The following TRIM10 variants were observed in gnomAD, a reference collection of about 807,000 sequenced individuals.
The protein encoded by TRIM10 is tripartite motif containing 10.
TRIM10 carries 42 observed loss-of-function variants against 40.0 expected under a neutral mutation model. The ratio of observed to expected loss-of-function variants is 1.05; its 90% confidence interval spans 0.82 to 1.36. TRIM10 has a LOEUF of 1.36. Among genes scored for constraint, TRIM10 ranks in the 40% most tolerant of loss-of-function variants. The probability of loss-of-function intolerance (pLI) is 0.00; values close to 1 mark genes in which losing one functional copy is unlikely to be tolerated. For missense variants in TRIM10, 601 were observed against 608.3 expected (o/e 0.99, Z 0.13); for synonymous variants, 260 against 239.5 (o/e 1.09, Z -0.79).
chr6:30,158,385 G>C lies in TRIM10; in HGVS notation c.756+14C>G, dbSNP rs138647866. On this transcript the variant is annotated intron_variant, in intron 3 of 6. Coordinates refer to ENST00000449742, the MANE Select transcript of TRIM10 (RefSeq NM_006778.4). ...GACAGCACAGGTGGGGCAGGGTTCC[G>C]GTTCAGGCCTCACCGTCAGGAGCTC... 1.2e-5 allele frequency: 19 copies of C among 1,608,754 alleles called. No homozygotes were observed. The highest frequency in any genetic ancestry group is 1.4e-5 in the Non-Finnish European group (17 of 1,176,170).
intron 1 of TRIM10, among the ~76,000 whole-genome samples, chr6:30,160,150 T>G (rs1772936519): frequency 6.6e-6 from 1 of 152,220 alleles, no homozygotes; most frequent in Non-Finnish European, 1.5e-5. Flanking sequence ...CAGACACACC[T>G]GATCCATGGC....
At chr6:30,163,809 C>T (rs749805892), upstream of TRIM10, 7 of 1,613,020 alleles carry the variant, frequency 4.3e-6, no homozygotes, top group African/African-American at 1.3e-5. Context: ...TGCCTCCCCG[C>T]GCTCTCCCAG....
At chr6:30,161,497 C>A (rs1773089151), upstream of TRIM10, among the ~76,000 whole-genome samples, 1 of 152,058 alleles carries the variant, frequency 6.6e-6, no homozygotes, top group South Asian at 2.1e-4. Context: ...CTACTAACGG[C>A]CAGAATTTAT....
chr6:30,158,270 TG>T, intron 3 of TRIM10, 128 bp downstream of exon 3: 2 of 791,980 alleles, frequency 2.5e-6, no homozygotes, highest in Non-Finnish European at 4.2e-6. Flanking sequence ...TGAGACTTTC[TG>T]GTCCTCTGAC....
At chr6:30,157,529 A>G (rs769138975) in intron 3 of TRIM10, 138 bp from the exon 4 acceptor site, 17 of 893,592 alleles carry the variant, frequency 1.9e-5, no homozygotes, top group Non-Finnish European at 2.7e-5. Context: ...TCTGGTGCCC[A>G]GGCTGGAATA....
rs776108850 is a variant in TRIM10, at chr6:30,158,420, C to T, written c.735G>A (p.Arg245=). The change falls in exon 3 of 7, where the codon AGG becomes AGA. Residue 245 remains arginine (R), a synonymous_variant. Transcript: ENST00000449742. The part of the protein sequence containing the change: ...LIEELEEKNE[R]PARELLTDIR... ...TCACCGTCAGGAGCTCCCTTGCTGG[C>T]CTCTCATTCTTCTCCTCCAGTTCTT... 1.5e-5 allele frequency: 25 copies of T among 1,613,018 alleles called. No individual in the cohort carries two copies. In the South Asian group the frequency reaches 2.4e-4, roughly 16 times the overall value.
intron 2 of TRIM10, among the ~76,000 whole-genome samples, 164 bp from the exon 3 acceptor site, chr6:30,158,793 T>A (rs1772814515): frequency 6.6e-6 from 1 of 152,218 alleles, no homozygotes. Context: ...CTCAGCACCA[T>A]CTGCTGCAGC....
chr6:30,153,815 C>G lies in TRIM10; in HGVS notation c.*154G>C. 1.9e-6 allele frequency: 3 copies of G among 1,612,280 alleles called. No individual in the cohort carries two copies. In the South Asian group the frequency reaches 3.3e-5, roughly 18 times the overall value. The stretch of plus-strand genomic sequence containing the variant: ...ACTTGATCAGTAGATTGAGAGTCCT[C>G]TCTTCTATCCCTTACCACCCGGCCC... On this transcript the variant is annotated 3_prime_UTR_variant, in exon 7 of 7. Transcript: ENST00000449742.
At chr6:30,156,558 GTTGGC>G (rs1772546924) in intron 5 of TRIM10, among the ~76,000 whole-genome samples, 1 of 152,216 alleles carries the variant, frequency 6.6e-6, no homozygotes, top group Non-Finnish European at 1.5e-5. Context: ...AAATACTGTT[GTTGGC>G]TATTAATTAA....
At position 30,160,911 on chromosome 6, in the gene TRIM10, G is replaced by A; in HGVS notation, c.-53C>T. Reference sequence around the variant, plus strand: ...AGGCCACTCTCTCTGCTTGGCCACGGGGGAAGGGCTGGGTCACACACTCAC... The same window carrying A: ...AGGCCACTCTCTCTGCTTGGCCACGAGGGAAGGGCTGGGTCACACACTCAC... On this transcript the variant is annotated 5_prime_UTR_variant, in exon 1 of 7. Coordinates refer to ENST00000449742, the MANE Select transcript of TRIM10 (RefSeq NM_006778.4). 2.6e-6 allele frequency: 4 copies of A among 1,512,668 alleles called. No homozygotes were observed. Among genetic ancestry groups the A allele is most frequent in the Non-Finnish European group, 3.5e-6 (4 of 1,131,998 alleles). 93.7% of individuals were successfully genotyped at this position (1,512,668 alleles called of 1,614,324 possible).
upstream of TRIM10, chr6:30,163,390 G>A (rs1773290691): frequency 7.7e-6 from 4 of 519,378 alleles, no homozygotes; most frequent in Non-Finnish European, 1.4e-5. Context: ...GGAGCCAGGA[G>A]TAAAGAACTG....
At chr6:30,158,870 T>A (rs1346677451) in intron 2 of TRIM10, among the ~76,000 whole-genome samples, 16 of 152,168 alleles carry the variant, frequency 1.1e-4, no homozygotes, top group Non-Finnish European at 1.9e-4. Context: ...CCTCCTGTCT[T>A]GTATGAAAAG....
chr6:30,157,262 G>T (rs1772632024), intron 4 of TRIM10, 107 bp downstream of exon 4: 1 of 1,238,062 alleles, frequency 8.1e-7, no homozygotes, highest in East Asian at 2.3e-5. Flanking sequence ...ATGTAAATTT[G>T]TATCCTTAAG....
chr6:30,153,835 C>T lies in TRIM10; in HGVS notation c.*134G>A, dbSNP rs1365119002. On this transcript the variant is annotated 3_prime_UTR_variant, in exon 7 of 7. Coordinates refer to ENST00000449742, the MANE Select transcript of TRIM10 (RefSeq NM_006778.4). ...GTCCTCTCTTCTATCCCTTACCACC[C>T]GGCCCCATCCCATCTTCTAAAGCAG... The T allele has an allele frequency of 4.4e-6, 7 of 1,608,146 alleles. No individual in the cohort carries two copies. Among genetic ancestry groups the T allele is most frequent in the African/African-American group, 2.7e-5 (2 of 74,800 alleles).
At chr6:30,157,657 C>CTTTT (rs9278596) in intron 3 of TRIM10, among the ~76,000 whole-genome samples, 280 of 77,762 alleles carry the variant, frequency 3.6e-3, no homozygotes, top group East Asian at 4.5e-3. Flanking sequence ...GGCTAATTTT[C>CTTTT]TTTTTTTTTT....
At chr6:30,156,280 G>C (rs748063666) in intron 5 of TRIM10, among the ~76,000 whole-genome samples, 5 of 152,188 alleles carry the variant, frequency 3.3e-5, no homozygotes, top group Non-Finnish European at 7.3e-5. Context: ...TATGGGAAAA[G>C]TCCTTCTAGG....
chr6:30,163,043 G>A (rs771598429), upstream of TRIM10, among the ~76,000 whole-genome samples: 1 of 152,098 alleles, frequency 6.6e-6, no homozygotes, highest in African/African-American at 2.4e-5. Context: ...ATTTGGGACC[G>A]TAGGAGGGGC....
chr6:30,154,142 T>C lies in TRIM10; in HGVS notation c.1273A>G (p.Lys425Glu). 6.2e-7 allele frequency: 1 copy of C among 1,612,858 alleles called. No individual in the cohort carries two copies. The highest frequency in any genetic ancestry group is 2.2e-5 in the East Asian group (1 of 44,870). ...LGSFPTRLTL[K>E]EQPRQVRVSL... ...ACCCTCACCTGCCGGGGCTGCTCCT[T>C]CAGGGTCAGCCGTGTGGGGAAGGAG... Residue 425 changes from lysine to glutamate, a missense_variant, in exon 7 of 7, where the codon AAG becomes GAG. By Grantham distance (56) the Lys-to-Glu change is moderately conservative. Transcript: ENST00000449742.
In TRIM10 at chr6:30,160,461, C is replaced by T. The variant is rs376088104; in HGVS notation, c.398G>A (p.Arg133His). The change falls in exon 1 of 7, where the codon CGC becomes CAC. Residue 133 changes from arginine (R) to histidine (H), a missense_variant. Physicochemically the swap from Arg to His is conservative, Grantham distance 29 (BLOSUM62 0). Coordinates refer to ENST00000449742, the MANE Select transcript of TRIM10 (RefSeq NM_006778.4). ...GGGAGCCGCTGCATCCTCCAGGAAG[C>T]GCATGGTGTGGGTAGCGTGCTCCCC... ...EAGEHATHTM[R>H]FLEDAAAPYR... The T allele has an allele frequency of 9.7e-5, 156 of 1,613,990 alleles. No individual in the cohort carries two copies. Among genetic ancestry groups the T allele is most frequent in the Admixed American group, 2.8e-4 (17 of 60,008 alleles).
Sources: gnomAD v4.1 joint callset for allele counts (sites outside exome capture counted in the v4.1 genomes callset) on GRCh38, gnomAD v4.1.1 for gene constraint, MANE v1.5 for transcripts, NCBI Gene and HGNC (gene_info 2026-07-23, HGNC 2026-07-21) for gene names.